TCF24: variants seen among roughly 807,000 people sequenced by gnomAD.
The protein encoded by TCF24 is transcription factor 24.
Under a neutral mutation model 9.3 loss-of-function variants are expected in TCF24, and 5 were observed. That is an observed-to-expected ratio of 0.54 (90% CI 0.28 to 1.13). The LOEUF is 1.13. Ranked by LOEUF, TCF24 falls within the 50% of genes most tolerant of loss-of-function variation. The pLI, the probability that TCF24 is intolerant of heterozygous loss-of-function variation, is 0.09. For synonymous variants in TCF24, 110 were observed against 115.8 expected, an observed-to-expected ratio of 0.95 and a Z score of 0.32; for missense variants, 220 against 236.1, an observed-to-expected ratio of 0.93 and a Z score of 0.45.
At chr8:66,958,351 T>G (rs1814196568) in intron 3 of TCF24, among the ~76,000 whole-genome samples, 1 of 152,178 alleles carries the variant, frequency 6.6e-6, no homozygotes, top group Non-Finnish European at 1.5e-5. Flanking sequence ...TCATTAAGCT[T>G]AGAAAATTTA....
chr8:66,957,139 G>T (rs1397712343), intron 3 of TCF24, among the ~76,000 whole-genome samples: 11 of 109,670 alleles, frequency 1.0e-4, no homozygotes, highest in South Asian at 5.7e-4. Context: ...AAAAAAAAAA[G>T]GCTGGATGCA....
At chr8:66,950,326 G>A (rs1814039200) in intron 3 of TCF24, among the ~76,000 whole-genome samples, 1 of 150,574 alleles carries the variant, frequency 6.6e-6, no homozygotes, top group African/African-American at 2.4e-5. Flanking sequence ...TCTACATATG[G>A]CTAGCCAGTT....
intron 3 of TCF24, among the ~76,000 whole-genome samples, chr8:66,956,970 T>C (rs1453383168): frequency 6.6e-6 from 1 of 151,682 alleles, no homozygotes; most frequent in Non-Finnish European, 1.5e-5. Context: ...TTTAGGAGAC[T>C]GAGGCGGGCA....
intron 3 of TCF24, among the ~76,000 whole-genome samples, chr8:66,951,644 G>A (rs555586913): frequency 6.6e-6 from 1 of 152,314 alleles, no homozygotes; most frequent in South Asian, 2.1e-4. Context: ...TTTTTCTGTT[G>A]AGTAGAATAG....
At chr8:66,961,151 C>T (rs1005822367) in intron 3 of TCF24, among the ~76,000 whole-genome samples, 1 of 152,252 alleles carries the variant, frequency 6.6e-6, no homozygotes, top group Non-Finnish European at 1.5e-5. Context: ...TACCAAGCCA[C>T]CCCGGCTTTA....
chr8:66,952,526 A>G (rs1344675771), intron 3 of TCF24, among the ~76,000 whole-genome samples: 2 of 150,568 alleles, frequency 1.3e-5, no homozygotes, highest in African/African-American at 4.9e-5. Context: ...TATGTGGTCA[A>G]TTTTGGAATA....
chr8:66,955,404 C>G (rs1339133347), intron 3 of TCF24, among the ~76,000 whole-genome samples: 1 of 151,686 alleles, frequency 6.6e-6, no homozygotes, highest in Non-Finnish European at 1.5e-5. Context: ...AATACAACTC[C>G]TAAAGGTCAG....
At chr8:66,959,253 T>C (rs1167085895) in intron 3 of TCF24, among the ~76,000 whole-genome samples, 4 of 152,260 alleles carry the variant, frequency 2.6e-5, no homozygotes, top group Admixed American at 2.0e-4. Context: ...GAAATATTTG[T>C]TAAAAAGCTT....
At chr8:66,953,198 C>G (rs960053531) in intron 3 of TCF24, among the ~76,000 whole-genome samples, 4 of 152,124 alleles carry the variant, frequency 2.6e-5, no homozygotes, top group African/African-American at 9.7e-5. Context: ...TCTCGATGAT[C>G]TTTACATTTT....
intron 3 of TCF24, among the ~76,000 whole-genome samples, chr8:66,951,564 T>C (rs1485274112): frequency 6.6e-6 from 1 of 152,194 alleles, no homozygotes; most frequent in Non-Finnish European, 1.5e-5. Flanking sequence ...TCTTTTTTGG[T>C]TGTGTCTCTG....
chr8:66,949,418 T>TA (rs1236744257), intron 3 of TCF24, among the ~76,000 whole-genome samples: 1 of 152,182 alleles, frequency 6.6e-6, no homozygotes, highest in Non-Finnish European at 1.5e-5. Flanking sequence ...TCCATGTCCC[T>TA]ACAAAGGACA....
At chr8:66,948,574 G>A (rs1167843899) in intron 3 of TCF24, among the ~76,000 whole-genome samples, 3 of 152,170 alleles carry the variant, frequency 2.0e-5, no homozygotes, top group African/African-American at 7.2e-5. Context: ...ATGTGCTGCT[G>A]AAGTGAGCAC....
intron 3 of TCF24, among the ~76,000 whole-genome samples, chr8:66,949,304 T>C (rs865873149): frequency 7.9e-4 from 120 of 151,018 alleles, no homozygotes; most frequent in Middle Eastern, 6.8e-3. Flanking sequence ...CCTTCCTGGG[T>C]CCATGTGATC....
chr8:66,953,320 G>C lies in TCF24; in HGVS notation c.391-5156C>G, dbSNP rs1489814389. 1.5e-4 allele frequency among the ~76,000 whole-genome samples: 23 copies of C among 150,450 alleles called. No homozygotes were observed. The East Asian group carries it at 2.8e-3, about 18-fold the overall frequency. On this transcript the variant is annotated intron_variant, in intron 3 of 3. Transcript: ENST00000563496. ...TGACAAAATCTCTCAGCATTTGCTT[G>C]TCTGTAAAGTATTTTATTTCTCCTT...
At chr8:66,948,307 G>A (rs1469052456) in intron 3 of TCF24, 143 bp from the exon 4 acceptor site, 3 of 530,004 alleles carry the variant, frequency 5.7e-6, no homozygotes, top group Non-Finnish European at 9.0e-6. Flanking sequence ...TGAAGTATAA[G>A]AAACAACAAG....
chr8:66,962,156 T>G (rs1814270154), intron 1 of TCF24, among the ~76,000 whole-genome samples, 169 bp from the exon 2 acceptor site: 3 of 152,312 alleles, frequency 2.0e-5, no homozygotes, highest in East Asian at 3.9e-4. Flanking sequence ...GTGGCGCGGC[T>G]CCTTCTCGCC....
intron 3 of TCF24, among the ~76,000 whole-genome samples, chr8:66,954,725 G>T (rs1395625807): frequency 6.7e-6 from 1 of 150,232 alleles, no homozygotes; most frequent in East Asian, 2.0e-4. Context: ...ATCTCAGACT[G>T]CTGTGCTAGC....
Position 66,960,444 on chromosome 8 carries a change from G to T in TCF24, c.390+932C>A, listed in dbSNP as rs189368123. Reference sequence around the variant, plus strand: ...TGTGTGTGTGTGTGTGTGTGCGCGCGTGTGGCCAAATATTTCAGGGTGGTG... The same window carrying T: ...TGTGTGTGTGTGTGTGTGTGCGCGCTTGTGGCCAAATATTTCAGGGTGGTG... On this transcript the variant is annotated intron_variant, in intron 3 of 3. Transcript: ENST00000563496. Among the ~76,000 whole-genome samples the T allele has an allele frequency of 8.5e-5, 13 of 152,072 alleles. No individual in the cohort carries two copies. The East Asian group carries it at 2.5e-3, about 29-fold the overall frequency.
chr8:66,949,187 C>T (rs12542958), intron 3 of TCF24, among the ~76,000 whole-genome samples: 1 of 151,752 alleles, frequency 6.6e-6, no homozygotes, highest in Non-Finnish European at 1.5e-5. Context: ...ATGTGCCATG[C>T]TGGTGCGCTG....
Sources: allele counts gnomAD v4.1 joint callset (sites outside exome capture counted in the v4.1 genomes callset), GRCh38; gene constraint gnomAD v4.1.1; transcripts MANE v1.5; gene names NCBI Gene and HGNC (gene_info 2026-07-23, HGNC 2026-07-21).